Variants in ADGRL3 observed in about 807,000 individuals in gnomAD.
ADGRL3 encodes the protein adhesion G protein-coupled receptor L3.
Under a neutral mutation model 153.5 loss-of-function variants are expected in ADGRL3, and 62 were observed. The observed-to-expected ratio is 0.40, with a 90% CI of 0.33 to 0.50. ADGRL3 has a LOEUF of 0.50. Ranked by LOEUF, ADGRL3 falls within the 20% of genes least tolerant of loss-of-function variation. ADGRL3 has a pLI of 0.47. For missense variants in ADGRL3, 1,641 were observed against 1,859.4 expected (o/e 0.88, Z 2.16); for synonymous variants, 710 against 672.5 (o/e 1.06, Z -0.86).
At chr4:62,007,484 A>ATATG (rs1298632969) in intron 21 of ADGRL3, among the ~76,000 whole-genome samples, 1 of 141,452 alleles carries the variant, frequency 7.1e-6, no homozygotes, top group African/African-American at 2.6e-5. Flanking sequence ...ATATATATAT[A>ATATG]TGTATATATA....
chr4:61,861,468 A>C (rs2098339287), intron 9 of ADGRL3, among the ~76,000 whole-genome samples: 1 of 152,080 alleles, frequency 6.6e-6, no homozygotes, highest in Non-Finnish European at 1.5e-5. Context: ...AGTATGCTTG[A>C]TTGAGCAACA....
At chr4:61,863,707 A>T (rs1398027214) in intron 9 of ADGRL3, among the ~76,000 whole-genome samples, 1 of 152,198 alleles carries the variant, frequency 6.6e-6, no homozygotes, top group Non-Finnish European at 1.5e-5. Flanking sequence ...TGTGGGAGGA[A>T]TTTAGGCATT....
At chr4:61,368,611 A>G (rs1169592340) in intron 1 of ADGRL3, among the ~76,000 whole-genome samples, 1 of 151,936 alleles carries the variant, frequency 6.6e-6, no homozygotes, top group Non-Finnish European at 1.5e-5. Flanking sequence ...TACCAGTACC[A>G]TGCTGTTTTG....
intron 15 of ADGRL3, among the ~76,000 whole-genome samples, chr4:61,937,983 C>T (rs1361765906): frequency 6.6e-6 from 1 of 152,158 alleles, no homozygotes; most frequent in African/African-American, 2.4e-5. Context: ...TCTTGAACTC[C>T]TGGCCTCAAG....
intron 19 of ADGRL3, among the ~76,000 whole-genome samples, chr4:61,991,283 G>A (rs1300017661): frequency 3.3e-5 from 5 of 151,810 alleles, no homozygotes; most frequent in East Asian, 1.9e-4. Flanking sequence ...TCAGGGGTAC[G>A]TGTGAAGGTT....
At chr4:61,834,251 A>G (rs967315106) in intron 9 of ADGRL3, among the ~76,000 whole-genome samples, 1 of 151,962 alleles carries the variant, frequency 6.6e-6, no homozygotes, top group Non-Finnish European at 1.5e-5. Context: ...TGAGAATGAT[A>G]GTTTCCAGCT....
intron 2 of ADGRL3, among the ~76,000 whole-genome samples, chr4:61,475,830 C>G (rs956970781): frequency 3.3e-5 from 5 of 152,138 alleles, no homozygotes; most frequent in African/African-American, 1.2e-4. Context: ...TAGACGTTCT[C>G]TTATTCACTG....
chr4:61,571,788 G>A (rs749353249), intron 4 of ADGRL3, among the ~76,000 whole-genome samples: 42 of 152,276 alleles, frequency 2.8e-4, no homozygotes, highest in Non-Finnish European at 5.9e-4. Context: ...TAATTCCAAT[G>A]AGAGAAATTC....
intron 2 of ADGRL3, among the ~76,000 whole-genome samples, chr4:61,417,436 C>T (rs367715764): frequency 1.8e-4 from 27 of 151,650 alleles, no homozygotes; most frequent in African/African-American, 5.1e-4. Flanking sequence ...TGCAGTGAGC[C>T]GAGATTGTGC....
chr4:61,693,090 A>G (rs1411345473), intron 6 of ADGRL3, among the ~76,000 whole-genome samples: 1 of 152,152 alleles, frequency 6.6e-6, no homozygotes. Context: ...CAACTTAAAG[A>G]TAAGAATAGG....
intron 13 of ADGRL3, among the ~76,000 whole-genome samples, chr4:61,928,297 G>C (rs138262370): frequency 1.2e-4 from 18 of 152,096 alleles, no homozygotes; most frequent in African/African-American, 4.3e-4. Flanking sequence ...TCATCAACTT[G>C]CTCATTATGT....
intron 9 of ADGRL3, among the ~76,000 whole-genome samples, chr4:61,866,332 A>T (rs1217117459): frequency 6.6e-6 from 1 of 152,192 alleles, no homozygotes; most frequent in Non-Finnish European, 1.5e-5. Flanking sequence ...GGGACAAGAG[A>T]GGAGAGAAGA....
chr4:61,577,804 G>A (rs1202288506), intron 4 of ADGRL3, among the ~76,000 whole-genome samples: 1 of 147,812 alleles, frequency 6.8e-6, no homozygotes, highest in African/African-American at 2.5e-5. Flanking sequence ...CAGAGTGGGA[G>A]CTTGTCTCTT....
intron 8 of ADGRL3, among the ~76,000 whole-genome samples, chr4:61,736,013 A>G (rs1243792176): frequency 6.6e-6 from 1 of 152,128 alleles, no homozygotes; most frequent in Non-Finnish European, 1.5e-5. Flanking sequence ...TATAATAAAC[A>G]TATGAATATA....
At chr4:61,684,508 A>G (rs1053596659) in intron 6 of ADGRL3, among the ~76,000 whole-genome samples, 5 of 152,058 alleles carry the variant, frequency 3.3e-5, no homozygotes, top group African/African-American at 9.7e-5. Flanking sequence ...GTTACCAAGG[A>G]AGAAGAATGG....
intron 13 of ADGRL3, among the ~76,000 whole-genome samples, chr4:61,916,744 G>C (rs941276937): frequency 1.4e-4 from 22 of 152,110 alleles, no homozygotes; most frequent in African/African-American, 5.1e-4. Flanking sequence ...CTTGAGACCA[G>C]GAGTTTGAGA....
At chr4:61,451,482 G>A (rs534483214) in intron 2 of ADGRL3, among the ~76,000 whole-genome samples, 1 of 152,258 alleles carries the variant, frequency 6.6e-6, no homozygotes, top group South Asian at 2.1e-4. Context: ...AGATTGATAA[G>A]TATGCTACCT....
chr4:61,408,735 G>C lies in ADGRL3; in HGVS notation c.-174+25546G>C, dbSNP rs1357416162. Among the ~76,000 whole-genome samples, 3 of 152,004 alleles carry C rather than the reference G, an allele frequency of 2.0e-5. No individual in the cohort carries two copies. The East Asian group carries it at 5.8e-4, about 29-fold the overall frequency. The stretch of plus-strand genomic sequence containing the variant: ...CTTAAAATTAATATGCATGGTTTTA[G>C]ACTAAGATTCAAATATAAATTGAGT... On this transcript the variant is annotated intron_variant, in intron 2 of 26. Coordinates refer to ENST00000683033, the MANE Select transcript of ADGRL3 (RefSeq NM_001387552.1).
At chr4:61,496,217 A>G (rs1560730336) in intron 2 of ADGRL3, among the ~76,000 whole-genome samples, 1 of 152,200 alleles carries the variant, frequency 6.6e-6, no homozygotes, top group Non-Finnish European at 1.5e-5. Flanking sequence ...AGTAAGACAT[A>G]TATTTACCTT....
Sources: allele counts gnomAD v4.1 joint callset (sites outside exome capture counted in the v4.1 genomes callset), GRCh38; gene constraint gnomAD v4.1.1; transcripts MANE v1.5; gene names NCBI Gene and HGNC (gene_info 2026-07-23, HGNC 2026-07-21).